PKHD1: variants seen among roughly 807,000 people sequenced by gnomAD.
PKHD1 encodes the protein PKHD1 ciliary IPT domain containing fibrocystin/polyductin, also known as fibrocystin.
A neutral mutation model predicts 412.0 loss-of-function variants in PKHD1; 291 were observed. The ratio of observed to expected loss-of-function variants is 0.71; its 90% CI spans 0.64 to 0.78. The LOEUF (loss-of-function observed/expected upper bound fraction) is 0.78, where lower values mean the gene tolerates loss of function less well. PKHD1 is among the 30% of genes least tolerant of loss of function. The probability of loss-of-function intolerance (pLI) is 0.00; values close to 1 mark genes in which losing one functional copy is unlikely to be tolerated. For synonymous variants in PKHD1, 1,777 were observed against 1,821.5 expected, an observed-to-expected ratio of 0.98 and a Z score of 0.62; for missense variants, 4,825 against 4,950.7, an observed-to-expected ratio of 0.97 and a Z score of 0.76.
intron 35 of PKHD1, among the ~76,000 whole-genome samples, chr6:51,961,478 G>A (rs937954301): frequency 6.6e-6 from 1 of 152,098 alleles, no homozygotes; most frequent in African/African-American, 2.4e-5. Flanking sequence ...TGATCCAGGA[G>A]CATCGTTGTG....
At chr6:51,682,471 T>G (rs1404637767) in intron 60 of PKHD1, among the ~76,000 whole-genome samples, 1 of 152,044 alleles carries the variant, frequency 6.6e-6, no homozygotes, top group Non-Finnish European at 1.5e-5. Context: ...AGTAATTAGG[T>G]AAAAATATTT....
intron 60 of PKHD1, chr6:51,740,057 C>A: frequency 1.9e-6 from 1 of 517,964 alleles, no homozygotes; most frequent in Non-Finnish European, 3.9e-6. Flanking sequence ...CAGATGCCTC[C>A]ATAATCAAAA....
intron 60 of PKHD1, chr6:51,721,583 C>T: frequency 9.9e-7 from 1 of 1,008,630 alleles, no homozygotes; most frequent in Non-Finnish European, 1.2e-6. Flanking sequence ...ATCTGAATTG[C>T]TCCTCTCTCA....
At chr6:51,688,316 T>C (rs984893172) in intron 60 of PKHD1, among the ~76,000 whole-genome samples, 7 of 152,142 alleles carry the variant, frequency 4.6e-5, no homozygotes, top group Admixed American at 6.6e-5. Context: ...GTCCCAAAAT[T>C]TGCTATTCTT....
At chr6:51,644,257 T>C (rs767186191) in intron 63 of PKHD1, among the ~76,000 whole-genome samples, 5 of 152,096 alleles carry the variant, frequency 3.3e-5, no homozygotes, top group Admixed American at 6.5e-5. Context: ...CAAATGATTA[T>C]TCATTAACTT....
At chr6:51,842,398 T>A (rs1000377639) in intron 50 of PKHD1, among the ~76,000 whole-genome samples, 7 of 152,078 alleles carry the variant, frequency 4.6e-5, no homozygotes, top group Non-Finnish European at 1.0e-4. Flanking sequence ...ACCCAACAGT[T>A]TGCCCTAAAG....
intron 10 of PKHD1, 125 bp from the exon 11 acceptor site, chr6:52,069,652 C>G (rs1810301874): frequency 5.1e-6 from 4 of 782,512 alleles, no homozygotes; most frequent in Middle Eastern, 2.2e-4. Context: ...GTTGAAATAG[C>G]AGCTCCCTTG....
At chr6:51,833,157 A>T (rs1768565640) in intron 51 of PKHD1, among the ~76,000 whole-genome samples, 1 of 152,142 alleles carries the variant, frequency 6.6e-6, no homozygotes, top group Non-Finnish European at 1.5e-5. Flanking sequence ...GATATTTCAA[A>T]CAAGCAATGA....
intron 63 of PKHD1, among the ~76,000 whole-genome samples, chr6:51,640,450 C>G (rs1769197981): frequency 6.6e-6 from 1 of 152,140 alleles, no homozygotes; most frequent in East Asian, 1.9e-4. Context: ...GCAGTTGCTG[C>G]TAAGTATAGT....
At chr6:51,981,308 A>T (rs1255220050) in intron 35 of PKHD1, among the ~76,000 whole-genome samples, 405 of 14,290 alleles carry the variant, frequency 0.028, 34 homozygotes, top group Middle Eastern at 0.05. Flanking sequence ...TCCAAAGCTC[A>T]AGCTCTCCCT....
At chr6:51,660,677 C>G (rs553912818) in intron 60 of PKHD1, among the ~76,000 whole-genome samples, 4 of 152,212 alleles carry the variant, frequency 2.6e-5, no homozygotes, top group African/African-American at 9.6e-5. Flanking sequence ...AAGGATATTA[C>G]AAAAGACGCA....
At chr6:51,885,787 T>C in intron 45 of PKHD1, 80 bp downstream of exon 45, 1 of 900,754 alleles carries the variant, frequency 1.1e-6, no homozygotes, top group Non-Finnish European at 1.8e-6. Context: ...TAGATATGCA[T>C]AATGAATTGC....
chr6:51,624,280 G>A (rs1256748565), intron 66 of PKHD1, among the ~76,000 whole-genome samples: 1 of 151,858 alleles, frequency 6.6e-6, no homozygotes, highest in African/African-American at 2.4e-5. Context: ...TTGTCTTGTG[G>A]GACAACTACT....
At chr6:51,692,889 A>C (rs1042032370) in intron 60 of PKHD1, among the ~76,000 whole-genome samples, 1 of 151,888 alleles carries the variant, frequency 6.6e-6, no homozygotes, top group Non-Finnish European at 1.5e-5. Context: ...AGAGGCCTTT[A>C]TTTTCTGATT....
chr6:51,699,870 T>C (rs1779215524), intron 60 of PKHD1, among the ~76,000 whole-genome samples: 1 of 150,498 alleles, frequency 6.6e-6, no homozygotes, highest in Non-Finnish European at 1.5e-5. Context: ...ACTATTATGC[T>C]GGGAATAGTA....
intron 37 of PKHD1, among the ~76,000 whole-genome samples, chr6:51,927,353 G>A (rs2127740338): frequency 6.6e-6 from 1 of 152,218 alleles, no homozygotes; most frequent in East Asian, 1.9e-4. Context: ...ACATTATAGG[G>A]AAGCCACAGA....
chr6:51,717,317 G>A (rs1781394128), intron 60 of PKHD1, among the ~76,000 whole-genome samples: 1 of 151,922 alleles, frequency 6.6e-6, no homozygotes. Flanking sequence ...GAGGCTGAGG[G>A]AGAAGGATTT....
At chr6:51,690,271 C>CAAAAAAAAAAAAAAAAAAAAA (rs70977310) in intron 60 of PKHD1, among the ~76,000 whole-genome samples, 1 of 109,920 alleles carries the variant, frequency 9.1e-6, no homozygotes. Context: ...GACTCCATCT[C>CAAAAAAAAAAAAAAAAAAAAA]AAAAAAAAAA....
chr6:52,025,421 G>A lies in PKHD1; in HGVS notation c.4389C>T (p.Val1463=). 6.2e-7 allele frequency: 1 copy of A among 1,608,292 alleles called. No homozygotes were observed. The highest frequency in any genetic ancestry group is 8.5e-7 in the Non-Finnish European group (1 of 1,176,338). Residue 1463 remains valine, a synonymous_variant, in exon 32 of 67, where the codon GTC becomes GTT. Transcript: ENST00000371117. The part of the protein sequence containing the change: ...PGASFSLNVT[V]LVNGLTSECQ... Reference sequence around the variant, plus strand: ...ACTCGCTGGTTAGCCCATTGACCAGGACTGTGACGTTCAGGGAGAAGGAAG... The same window carrying A: ...ACTCGCTGGTTAGCCCATTGACCAGAACTGTGACGTTCAGGGAGAAGGAAG...
Sources: gnomAD v4.1 joint callset for allele counts (sites outside exome capture counted in the v4.1 genomes callset) on GRCh38, gnomAD v4.1.1 for gene constraint, MANE v1.5 for transcripts, NCBI Gene and HGNC (gene_info 2026-07-23, HGNC 2026-07-21) for gene names.